The following MARCHF4 variants were observed in gnomAD, a reference collection of about 807,000 sequenced individuals.
MARCHF4 encodes the protein membrane associated ring-CH-type finger 4.
In MARCHF4, 14 loss-of-function variants were observed where a neutral mutation model predicts 43.9. That is an observed-to-expected ratio of 0.32 (90% CI 0.21 to 0.50). The LOEUF (loss-of-function observed/expected upper bound fraction) is 0.50. Ranked by LOEUF, MARCHF4 falls within the 20% of genes least tolerant of loss-of-function variation. The pLI, the probability that MARCHF4 is intolerant of heterozygous loss-of-function variation, is 0.98. For missense variants in MARCHF4, 468 were observed against 536.7 expected (o/e 0.87, Z 1.27); for synonymous variants, 226 against 213.3 (o/e 1.06, Z -0.52).
intron 3 of MARCHF4, among the ~76,000 whole-genome samples, chr2:216,261,673 A>G (rs1690745793): frequency 1.3e-5 from 2 of 152,206 alleles, no homozygotes; most frequent in African/African-American, 4.8e-5. Flanking sequence ...GCAACTGGAC[A>G]TATGAGTCTG....
At chr2:216,299,242 G>T (rs529210105) in intron 1 of MARCHF4, among the ~76,000 whole-genome samples, 51 of 152,302 alleles carry the variant, frequency 3.3e-4, no homozygotes, top group Non-Finnish European at 6.9e-4. Context: ...TCTCAGCCAT[G>T]AAAGAGAACC....
chr2:216,365,981 G>T (rs1366255196), intron 1 of MARCHF4, among the ~76,000 whole-genome samples: 1 of 152,154 alleles, frequency 6.6e-6, no homozygotes, highest in Non-Finnish European at 1.5e-5. Flanking sequence ...TTATAAATCT[G>T]CAAGAAACAG....
intron 1 of MARCHF4, among the ~76,000 whole-genome samples, chr2:216,310,371 C>T (rs1026353195): frequency 6.6e-6 from 1 of 152,142 alleles, no homozygotes; most frequent in African/African-American, 2.4e-5. Flanking sequence ...AAGCAATCCT[C>T]CCCCCTCAGC....
At chr2:216,316,742 A>G (rs1333768409) in intron 1 of MARCHF4, among the ~76,000 whole-genome samples, 1 of 152,132 alleles carries the variant, frequency 6.6e-6, no homozygotes, top group African/African-American at 2.4e-5. Flanking sequence ...CCACCCCCAG[A>G]ACTTCTGATT....
Position 216,259,504 on chromosome 2 carries a change from C to A in MARCHF4, c.1041G>T (p.Ser347=). The change falls in exon 4 of 4, where the codon TCG becomes TCT. Residue 347 remains serine, a synonymous_variant. Transcript: ENST00000273067. ...CAGGGGTGCCTGCGGTCTCCTCTTC[C>A]GAGGAGGGGATATTGGCCTGGGTGG... ...SSSTQANIPS[S]EEETAGTPAP... 2 of 1,614,152 alleles carry A rather than the reference C, an allele frequency of 1.2e-6. No individual in the cohort carries two copies. Among genetic ancestry groups the A allele is most frequent in the South Asian group, 2.2e-5 (2 of 91,092 alleles).
chr2:216,302,042 A>G (rs1236657402), intron 1 of MARCHF4, among the ~76,000 whole-genome samples: 1 of 152,214 alleles, frequency 6.6e-6, no homozygotes, highest in African/African-American at 2.4e-5. Context: ...AACAACAAAA[A>G]AACGCAAGCA....
At chr2:216,348,878 C>G (rs1692359830) in intron 1 of MARCHF4, among the ~76,000 whole-genome samples, 1 of 151,954 alleles carries the variant, frequency 6.6e-6, no homozygotes, top group African/African-American at 2.4e-5. Context: ...CAAACTTGAT[C>G]AATTTTCCAC....
At chr2:216,350,921 A>G (rs374080923) in intron 1 of MARCHF4, among the ~76,000 whole-genome samples, 1 of 152,190 alleles carries the variant, frequency 6.6e-6, no homozygotes, top group African/African-American at 2.4e-5. Context: ...AAATTTAATT[A>G]TGCTTAATTA....
chr2:216,270,337 A>T (rs57638694), intron 3 of MARCHF4, among the ~76,000 whole-genome samples: 21,754 of 152,058 alleles, frequency 0.14, 1,639 homozygotes, highest in South Asian at 0.26. Flanking sequence ...TAGCCTCCCA[A>T]AATGCTGGGA....
At chr2:216,300,952 C>T (rs1253391388) in intron 1 of MARCHF4, among the ~76,000 whole-genome samples, 3 of 152,104 alleles carry the variant, frequency 2.0e-5, no homozygotes, top group Non-Finnish European at 4.4e-5. Context: ...TTAATAGAGG[C>T]AATAAAATGA....
intron 1 of MARCHF4, among the ~76,000 whole-genome samples, chr2:216,317,348 C>T (rs1249583485): frequency 2.0e-5 from 3 of 152,226 alleles, no homozygotes. Flanking sequence ...TTAAATCCAA[C>T]TAAACCCCCT....
intron 1 of MARCHF4, among the ~76,000 whole-genome samples, chr2:216,367,598 T>C (rs543703404): frequency 6.6e-6 from 1 of 152,346 alleles, no homozygotes; most frequent in African/African-American, 2.4e-5. Context: ...AATAATCATA[T>C]GCAGGAAGTG....
At chr2:216,296,863 C>T (rs980448742) in intron 1 of MARCHF4, among the ~76,000 whole-genome samples, 6 of 152,190 alleles carry the variant, frequency 3.9e-5, no homozygotes, top group Non-Finnish European at 8.8e-5. Context: ...TGGGGCAGCA[C>T]TGAACTAGGA....
In MARCHF4 at chr2:216,264,877, G is replaced by A. The variant is rs146676079; in HGVS notation, c.866-5198C>T. On this transcript the variant is annotated intron_variant, in intron 3 of 3. Transcript: ENST00000273067. ...TGAAGAAGGTGGACCTGTTTTTCTAGATAATGCTTGTTTGGGAAAAGAGGG... is the reference window on the plus strand; with the variant it reads ...TGAAGAAGGTGGACCTGTTTTTCTAAATAATGCTTGTTTGGGAAAAGAGGG... Among the ~76,000 whole-genome samples the A allele has an allele frequency of 3.7e-3, 563 of 152,300 alleles. 4 individuals carry two copies. The highest frequency in any genetic ancestry group is 0.013 in the African/African-American group (538 of 41,556).
At chr2:216,267,916 A>G (rs1273999720) in intron 3 of MARCHF4, among the ~76,000 whole-genome samples, 2 of 152,216 alleles carry the variant, frequency 1.3e-5, no homozygotes, top group East Asian at 1.9e-4. Flanking sequence ...TAAATCAGTC[A>G]TCTTCATCTC....
chr2:216,298,189 C>A (rs1254755621), intron 1 of MARCHF4, among the ~76,000 whole-genome samples: 1 of 145,886 alleles, frequency 6.9e-6, no homozygotes, highest in East Asian at 2.1e-4. Flanking sequence ...TTTTTAAATT[C>A]TATTCTCATG....
chr2:216,334,352 G>C lies in MARCHF4; in HGVS notation c.516+35393C>G, dbSNP rs549726941. On this transcript the variant is annotated intron_variant, in intron 1 of 3. Coordinates refer to ENST00000273067, the MANE Select transcript of MARCHF4 (RefSeq NM_020814.3). ...GGGAATTGAGTTCTGCCAGCAACCCGAATGAGCAAAAAATGAATTTTTCCC... is the reference window on the plus strand; with the variant it reads ...GGGAATTGAGTTCTGCCAGCAACCCCAATGAGCAAAAAATGAATTTTTCCC... Among the ~76,000 whole-genome samples the C allele has an allele frequency of 2.6e-5, 4 of 152,142 alleles. No homozygotes were observed. In the South Asian group the frequency reaches 6.2e-4, roughly 24 times the overall value.
chr2:216,321,210 C>A (rs1691890638), intron 1 of MARCHF4, among the ~76,000 whole-genome samples: 1 of 152,076 alleles, frequency 6.6e-6, no homozygotes, highest in African/African-American at 2.4e-5. Flanking sequence ...TACCTCCCAT[C>A]CATTCATTCA....
At chr2:216,305,948 C>T (rs1300653690) in intron 1 of MARCHF4, among the ~76,000 whole-genome samples, 3 of 152,198 alleles carry the variant, frequency 2.0e-5, no homozygotes, top group African/African-American at 7.2e-5. Flanking sequence ...CTCACCAGGA[C>T]ATCCCAACAC....
Sources: gnomAD v4.1 joint callset for allele counts (sites outside exome capture counted in the v4.1 genomes callset) on GRCh38, gnomAD v4.1.1 for gene constraint, MANE v1.5 for transcripts, NCBI Gene and HGNC (gene_info 2026-07-23, HGNC 2026-07-21) for gene names.